The following WDCP variants were observed in gnomAD, a reference collection of about 807,000 sequenced individuals.
The protein encoded by WDCP is WD repeat and coiled-coil-containing protein.
In WDCP, 19 loss-of-function variants were observed where a neutral mutation model predicts 41.6. The ratio of observed to expected loss-of-function variants is 0.46; its 90% CI spans 0.32 to 0.67. The LOEUF (loss-of-function observed/expected upper bound fraction) is 0.67. WDCP is among the 30% of genes least tolerant of loss of function. The probability of loss-of-function intolerance (pLI) is 0.04; values close to 1 mark genes in which losing one functional copy is unlikely to be tolerated. For missense variants in WDCP, 802 were observed against 850.7 expected (o/e 0.94, Z 0.71); for synonymous variants, 302 against 320.8 (o/e 0.94, Z 0.63).
chr2:24,032,842 A>G lies in WDCP; in HGVS notation c.1923T>C (p.Ile641=). The G allele has an allele frequency of 6.2e-7, 1 of 1,603,272 alleles. No homozygotes were observed. Among genetic ancestry groups the G allele is most frequent in the Non-Finnish European group, 8.5e-7 (1 of 1,170,218 alleles). Reference sequence around the variant, plus strand: ...AGCACGACCTACCATGTAGCATTTCAATGAGAGAAAGGCCAAAAGTCTGCT... The same window carrying G: ...AGCACGACCTACCATGTAGCATTTCGATGAGAGAAAGGCCAAAAGTCTGCT... ...TVQQTFGLSL[I]EMLHDSHWIL... The change falls in exon 3 of 4, where the codon ATT becomes ATC. Residue 641 remains isoleucine, a synonymous_variant. Transcript: ENST00000295148.
At chr2:24,031,379 T>C (rs1483064078) in intron 3 of WDCP, among the ~76,000 whole-genome samples, 1 of 152,182 alleles carries the variant, frequency 6.6e-6, no homozygotes, top group Non-Finnish European at 1.5e-5. Context: ...TGATATTTGA[T>C]GTTCAATGTG....
intron 1 of WDCP, among the ~76,000 whole-genome samples, chr2:24,045,207 G>C (rs974153678): frequency 2.6e-5 from 4 of 152,196 alleles, no homozygotes; most frequent in Non-Finnish European, 5.9e-5. Context: ...GATATCGATA[G>C]GATATAAGTA....
rs775336979 is a variant in WDCP at position 24,039,225 on chromosome 2, C to G, written c.270G>C (p.Leu90=). The part of the protein sequence containing the change: ...QHEKHVTVWQ[L]CPSPMESSKW... ...TGCTTGACTCCATAGGGCTGGGACA[C>G]AGCTGCCACACAGTGACATGCTTCT... Residue 90 remains leucine (L), a synonymous_variant, in exon 2 of 4, where the codon CTG becomes CTC. Transcript: ENST00000295148. 2 of 1,614,242 alleles carry G rather than the reference C, an allele frequency of 1.2e-6. No homozygotes were observed. Among genetic ancestry groups the G allele is most frequent in the South Asian group, 2.2e-5 (2 of 91,084 alleles).
At chr2:24,041,095 T>A (rs567194288) in intron 1 of WDCP, among the ~76,000 whole-genome samples, 1 of 152,190 alleles carries the variant, frequency 6.6e-6, no homozygotes, top group South Asian at 2.1e-4. Context: ...TCCCAGCACT[T>A]TGGGAGGCTG....
At position 24,039,277 on chromosome 2, in the gene WDCP, G is replaced by T. The variant is rs751894789; in HGVS notation, c.218C>A (p.Thr73Lys). The change falls in exon 2 of 4, where the codon ACA becomes AAA. Residue 73 changes from threonine to lysine, a missense_variant. By Grantham distance (78) the Thr-to-Lys change is moderately conservative. Transcript: ENST00000295148. The part of the protein sequence containing the change: ...LSWAPPVADD[T>K]PVLLAVQHEK... ...ATGCTGGACAGCGAGTAGAACAGGT[G>T]TATCATCTGCAACAGGTGGGGCCCA... 7 of 1,614,218 alleles carry T rather than the reference G, an allele frequency of 4.3e-6. No individual in the cohort carries two copies. In the South Asian group the frequency reaches 4.4e-5, roughly 10 times the overall value.
intron 2 of WDCP, among the ~76,000 whole-genome samples, chr2:24,037,311 T>C (rs1663285736): frequency 1.3e-5 from 2 of 152,346 alleles, no homozygotes; most frequent in South Asian, 4.1e-4. Context: ...GCGTGAGCCA[T>C]GGAGCCCAGC....
chr2:24,037,607 C>A, intron 2 of WDCP, 70 bp downstream of exon 2: 3 of 1,433,168 alleles, frequency 2.1e-6, no homozygotes, highest in African/African-American at 1.4e-5. Context: ...CTCATCAATA[C>A]GTTTCTTGCA....
chr2:24,032,463 CT>C (rs1251075479), intron 3 of WDCP, among the ~76,000 whole-genome samples: 2 of 152,200 alleles, frequency 1.3e-5, no homozygotes, highest in South Asian at 4.1e-4. Context: ...GACTGCGCCA[CT>C]GTACTCCAGG....
At position 24,037,841 on chromosome 2, in the gene WDCP, T is replaced by C. The variant is rs750714575; in HGVS notation, c.1654A>G (p.Lys552Glu). 4 of 1,614,092 alleles carry C rather than the reference T, an allele frequency of 2.5e-6. No individual in the cohort carries two copies. In the Admixed American group the frequency reaches 6.7e-5, roughly 27 times the overall value. ...TCCTTAGACAGCTGATAAGTTTCCT[T>C]TTCACTTTGTAAGTTCTTTCTTTGA... is the stretch of plus-strand genomic sequence containing the variant. ...LPQRKNLQSE[K>E]ETYQLSKEVE... is the part of the protein sequence containing the mutation. Residue 552 changes from lysine to glutamate, a missense_variant, in exon 2 of 4, where the codon AAG (lysine) becomes GAG (glutamate). Lys to Glu is a moderately conservative substitution (Grantham distance 56). Around this residue, in one of 5 missense-constraint regions of WDCP, gnomAD observed 321 missense variants for 305.1 expected, o/e 1.05. Coordinates refer to ENST00000295148, the MANE Select transcript of WDCP (RefSeq NM_025203.3).
intron 1 of WDCP, among the ~76,000 whole-genome samples, chr2:24,040,746 G>A (rs1182371118): frequency 1.3e-5 from 2 of 152,216 alleles, no homozygotes; most frequent in East Asian, 1.9e-4. Flanking sequence ...GCTGGGCGTG[G>A]TGACTCACGC....
At chr2:24,033,068 G>T in intron 2 of WDCP, 122 bp from the exon 3 acceptor site, 1 of 722,724 alleles carries the variant, frequency 1.4e-6, no homozygotes. Context: ...TAATCAACTG[G>T]ACTTCAGTTT....
intron 2 of WDCP, chr2:24,033,285 A>G: frequency 2.2e-6 from 1 of 451,964 alleles, no homozygotes; most frequent in Non-Finnish European, 4.5e-6. Context: ...GCTGTTTCAG[A>G]TATAGCTAAG....
At chr2:24,040,054 G>A (rs1663380107) in intron 1 of WDCP, among the ~76,000 whole-genome samples, 1 of 152,064 alleles carries the variant, frequency 6.6e-6, no homozygotes, top group Admixed American at 6.6e-5. Context: ...ACCCACCTCA[G>A]CCTCCCAAAG....
At chr2:24,043,888 TAA>T (rs112141110) in intron 1 of WDCP, among the ~76,000 whole-genome samples, 1 of 147,488 alleles carries the variant, frequency 6.8e-6, no homozygotes. Context: ...ATCTTTCACT[TAA>T]AAAAAAAAAG....
At chr2:24,037,420 C>T (rs1214345020) in intron 2 of WDCP, among the ~76,000 whole-genome samples, 1 of 152,092 alleles carries the variant, frequency 6.6e-6, no homozygotes, top group African/African-American at 2.4e-5. Context: ...ATAAATTGCC[C>T]GAATTAGTGC....
At chr2:24,035,796 C>T (rs1020486916) in intron 2 of WDCP, among the ~76,000 whole-genome samples, 11 of 151,430 alleles carry the variant, frequency 7.3e-5, no homozygotes, top group African/African-American at 1.9e-4. Flanking sequence ...TTAGGCCGGG[C>T]GCAGTGGCTT....
In WDCP at chr2:24,038,011, A is replaced by C; in HGVS notation, c.1484T>G (p.Leu495Arg). The change falls in exon 2 of 4, where the codon CTT (leucine) becomes CGT (arginine). Residue 495 changes from leucine to arginine, a missense_variant. Transcript: ENST00000295148. ...CAGAGGACTCTGGATTTCTTTAATA[A>C]GTGTTCTTCCAGGCCTTCCATTCTG... ...SSQNGRPGRT[L>R]IKEIQSPLSS... 6.2e-7 allele frequency: 1 copy of C among 1,614,198 alleles called. No homozygotes were observed. The highest frequency in any genetic ancestry group is 2.2e-5 in the East Asian group (1 of 44,886).
chr2:24,035,251 T>C (rs901919160), intron 2 of WDCP, among the ~76,000 whole-genome samples: 3 of 151,796 alleles, frequency 2.0e-5, no homozygotes, highest in African/African-American at 4.8e-5. Flanking sequence ...CTCTGTGTGC[T>C]GATATAAAGA....
At chr2:24,033,883 T>C (rs75987682) in intron 2 of WDCP, among the ~76,000 whole-genome samples, 10,758 of 152,136 alleles carry the variant, frequency 0.071, 431 homozygotes, top group African/African-American at 0.092. Flanking sequence ...CAAGACCCCA[T>C]CTCATAAAAA....
Sources: allele counts gnomAD v4.1 joint callset (sites outside exome capture counted in the v4.1 genomes callset), GRCh38; gene constraint gnomAD v4.1.1; regional missense constraint gnomAD v4.1.1; transcripts MANE v1.5; gene names NCBI Gene and HGNC (gene_info 2026-07-23, HGNC 2026-07-21).